Variants in FCRL2 observed in about 807,000 individuals in gnomAD.
FCRL2 encodes the protein Fc receptor like 2, also known as Fc receptor-like protein 2.
FCRL2 carries 48 observed loss-of-function variants against 59.8 expected under a neutral mutation model. The observed-to-expected ratio is 0.80, with a 90% CI of 0.64 to 1.02. The LOEUF is 1.02. FCRL2 is among the 50% of genes least tolerant of loss of function. The pLI is 0.00. For synonymous variants in FCRL2, 251 were observed against 229.5 expected (o/e 1.09, Z -0.85); for missense variants, 658 against 597.3 (o/e 1.10, Z -1.06).
chr1:157,755,891 C>A (rs1317371063), intron 7 of FCRL2, among the ~76,000 whole-genome samples: 1 of 152,068 alleles, frequency 6.6e-6, no homozygotes, highest in Non-Finnish European at 1.5e-5. Flanking sequence ...AGGAAGGGAA[C>A]CAAGAGGTCC....
At chr1:157,757,037 A>G (rs976730305) in intron 7 of FCRL2, among the ~76,000 whole-genome samples, 2 of 152,210 alleles carry the variant, frequency 1.3e-5, no homozygotes, top group Non-Finnish European at 2.9e-5. Flanking sequence ...ATTTGTTCCT[A>G]TCTTCTTGTA....
At chr1:157,770,200 C>T in intron 3 of FCRL2, 50 bp from the exon 4 acceptor site, 1 of 1,590,194 alleles carries the variant, frequency 6.3e-7, no homozygotes, top group Non-Finnish European at 8.6e-7. Context: ...GCTAAGATTC[C>T]TGCTGAAAAG....
chr1:157,754,774 C>T (rs191883831), intron 7 of FCRL2, among the ~76,000 whole-genome samples: 2,808 of 151,884 alleles, frequency 0.018, 69 homozygotes, highest in African/African-American at 0.061. Flanking sequence ...GAGACCAGCC[C>T]GGGCAACATG....
At chr1:157,775,698 C>A in intron 2 of FCRL2, 77 bp downstream of exon 2, 1 of 1,529,514 alleles carries the variant, frequency 6.5e-7, no homozygotes, top group Non-Finnish European at 9.0e-7. Flanking sequence ...TTTCCAGAGC[C>A]ACCTCTATAG....
chr1:157,748,484 TCTATTGC>T, intron 10 of FCRL2, 62 bp downstream of exon 10: 2 of 743,270 alleles, frequency 2.7e-6, no homozygotes, highest in South Asian at 2.5e-5. Context: ...AAATAAAGCC[TCTATTGC>T]AAACAATGCA....
intron 8 of FCRL2, among the ~76,000 whole-genome samples, chr1:157,749,288 C>T (rs919739212): frequency 6.6e-6 from 1 of 152,006 alleles, no homozygotes; most frequent in Non-Finnish European, 1.5e-5. Flanking sequence ...TACTACATAC[C>T]TATAGCACAG....
chr1:157,753,470 A>G (rs930198597), intron 7 of FCRL2, among the ~76,000 whole-genome samples: 1 of 152,256 alleles, frequency 6.6e-6, no homozygotes, highest in South Asian at 2.1e-4. Context: ...AGATACAAAT[A>G]TACAACCAAA....
chr1:157,767,685 G>A lies in FCRL2; in HGVS notation c.884-176C>T. 9.5e-6 allele frequency: 15 copies of A among 1,573,530 alleles called. 1 individual carries two copies. The highest frequency in any genetic ancestry group is 1.3e-5 in the African/African-American group (1 of 74,306). ...TTCTCAACAATATATTTAGACGTTTGAGGGGAATATCAGTTCTGGGTGCTG... is the reference window on the plus strand; with the variant it reads ...TTCTCAACAATATATTTAGACGTTTAAGGGGAATATCAGTTCTGGGTGCTG... On this transcript the variant is annotated intron_variant, in intron 5 of 11. Coordinates refer to ENST00000361516, the MANE Select transcript of FCRL2 (RefSeq NM_030764.4).
At chr1:157,771,132 C>A (rs1014818096) in intron 2 of FCRL2, among the ~76,000 whole-genome samples, 2 of 152,196 alleles carry the variant, frequency 1.3e-5, no homozygotes, top group African/African-American at 4.8e-5. Flanking sequence ...CAAATACCAT[C>A]ACACTGGGAT....
chr1:157,768,147 A>G (rs2101739653), intron 5 of FCRL2: 1 of 399,182 alleles, frequency 2.5e-6, no homozygotes. Context: ...CCAGAGCCCA[A>G]AGGTTTCATG....
At chr1:157,754,324 C>T (rs1648424112) in intron 7 of FCRL2, among the ~76,000 whole-genome samples, 1 of 152,134 alleles carries the variant, frequency 6.6e-6, no homozygotes, top group South Asian at 2.1e-4. Flanking sequence ...TGCTACACTC[C>T]CACCAGTGGC....
chr1:157,764,966 ACAGT>A (rs1649384867), intron 7 of FCRL2, among the ~76,000 whole-genome samples: 2 of 152,294 alleles, frequency 1.3e-5, no homozygotes, highest in African/African-American at 4.8e-5. Context: ...AGAAATGATA[ACAGT>A]CAGAGCACAA....
intron 7 of FCRL2, among the ~76,000 whole-genome samples, chr1:157,756,239 C>T (rs889609125): frequency 2.6e-5 from 4 of 152,144 alleles, no homozygotes; most frequent in South Asian, 2.1e-4. Context: ...TGTAGGGGTC[C>T]GAGGACCTTC....
chr1:157,754,416 T>C (rs1290417632), intron 7 of FCRL2, among the ~76,000 whole-genome samples: 3 of 152,202 alleles, frequency 2.0e-5, no homozygotes, highest in Non-Finnish European at 4.4e-5. Context: ...AATCCACCCC[T>C]TGTTTAGCAT....
At chr1:157,763,039 G>A (rs146856645) in intron 7 of FCRL2, among the ~76,000 whole-genome samples, 110 of 152,270 alleles carry the variant, frequency 7.2e-4, no homozygotes, top group African/African-American at 1.3e-3. Context: ...AGGCTTGGTC[G>A]TCAGGTACTG....
rs1181199974 is a variant in FCRL2, at chr1:157,766,980, A to C, written c.1163-9T>G. 1 of 1,608,352 alleles carries C rather than the reference A, an allele frequency of 6.2e-7. No homozygotes were observed. The highest frequency in any genetic ancestry group is 8.5e-7 in the Non-Finnish European group (1 of 1,177,030). ...TCTATAGCCATCAGGTCCTGAGGAAAGAAAGCAGTGCTTCAGCCCCAGAGG... is the reference window on the plus strand; with the variant it reads ...TCTATAGCCATCAGGTCCTGAGGAACGAAAGCAGTGCTTCAGCCCCAGAGG... On this transcript the variant is annotated splice_polypyrimidine_tract_variant and intron_variant, in intron 6 of 11. Coordinates refer to ENST00000361516, the MANE Select transcript of FCRL2 (RefSeq NM_030764.4).
At chr1:157,753,364 C>T (rs978786022) in intron 7 of FCRL2, among the ~76,000 whole-genome samples, 1 of 152,150 alleles carries the variant, frequency 6.6e-6, no homozygotes, top group Non-Finnish European at 1.5e-5. Context: ...ACTGGGGATT[C>T]CCAGGACTCT....
chr1:157,768,372 G>A, intron 5 of FCRL2, 42 bp downstream of exon 5: 1 of 1,586,836 alleles, frequency 6.3e-7, no homozygotes, highest in Non-Finnish European at 8.6e-7. Flanking sequence ...CATGACCTTG[G>A]TCTGGGAATT....
Position 157,754,967 on chromosome 1 carries a change from A to G in FCRL2, c.1280-5290T>C, listed in dbSNP as rs148838684. On this transcript the variant is annotated intron_variant, in intron 7 of 11. Transcript: ENST00000361516. ...GGTGACAGAGAGAGACTCTGTCTCA[A>G]AAAAAAAAGAAAAGAAAAGAAAAAA... Among the ~76,000 whole-genome samples, 381 of 151,130 alleles carry G rather than the reference A, an allele frequency of 2.5e-3. 2 individuals are homozygous for G. Among genetic ancestry groups the G allele is most frequent in the African/African-American group, 8.5e-3 (353 of 41,350 alleles).
Sources: allele counts gnomAD v4.1 joint callset (sites outside exome capture counted in the v4.1 genomes callset), GRCh38; gene constraint gnomAD v4.1.1; transcripts MANE v1.5; gene names NCBI Gene and HGNC (gene_info 2026-07-23, HGNC 2026-07-21).